The following ARHGEF12 variants were observed in gnomAD, a reference collection of about 807,000 sequenced individuals.
ARHGEF12 encodes the protein Rho guanine nucleotide exchange factor 12, also known as KMT2A/ARHGEF12 fusion protein.
In ARHGEF12, 66 loss-of-function variants were observed where a neutral mutation model predicts 211.2. That is an observed-to-expected ratio of 0.31 (90% CI 0.26 to 0.38). The LOEUF is 0.38. Among genes scored for constraint, ARHGEF12 ranks in the 10% least tolerant of loss-of-function variants. The pLI is 1.00. For missense variants in ARHGEF12, 1,429 were observed against 1,869.5 expected (o/e 0.76, Z 4.34); for synonymous variants, 592 against 638.4 (o/e 0.93, Z 1.09).
intron 28 of ARHGEF12, among the ~76,000 whole-genome samples, chr11:120,466,092 A>G (rs1946699653): frequency 6.6e-6 from 1 of 152,254 alleles, no homozygotes; most frequent in Admixed American, 6.5e-5. Context: ...AAATACAAAC[A>G]TGGCCGCTTG....
At position 120,429,709 on chromosome 11, in the gene ARHGEF12, C is replaced by A. The variant is rs767251500; in HGVS notation, c.664-3C>A. ...TTCTGAAAATATTTTTATAACTTTT[C>A]AGTTATTGCAGGAAGATTACAACCG... On this transcript the variant is annotated splice_polypyrimidine_tract_variant and splice_region_variant and intron_variant, in intron 9 of 40. Coordinates refer to ENST00000397843, the MANE Select transcript of ARHGEF12 (RefSeq NM_015313.3). The A allele has an allele frequency of 1.9e-6, 3 of 1,606,800 alleles. No homozygotes were observed. Among genetic ancestry groups the A allele is most frequent in the Non-Finnish European group, 8.5e-7 (1 of 1,178,016 alleles).
At chr11:120,366,483 T>G (rs967744153) in intron 1 of ARHGEF12, among the ~76,000 whole-genome samples, 1 of 152,184 alleles carries the variant, frequency 6.6e-6, no homozygotes, top group Non-Finnish European at 1.5e-5. Flanking sequence ...GATCTTTTCA[T>G]GACATGCTGT....
At chr11:120,482,038 C>T (rs907629499) in intron 39 of ARHGEF12, among the ~76,000 whole-genome samples, 5 of 152,188 alleles carry the variant, frequency 3.3e-5, no homozygotes, top group Non-Finnish European at 7.3e-5. Flanking sequence ...GGATTACAGG[C>T]GTGAGCCACC....
chr11:120,481,835 C>A (rs1245501853), intron 39 of ARHGEF12, among the ~76,000 whole-genome samples: 2 of 151,272 alleles, frequency 1.3e-5, no homozygotes, highest in African/African-American at 4.9e-5. Context: ...TCTCAGCTCA[C>A]TGCAAGCTCT....
At chr11:120,439,588 A>G (rs572505076) in intron 12 of ARHGEF12, 2 of 152,388 alleles carry the variant, frequency 1.3e-5, no homozygotes, top group Admixed American at 6.5e-5. Context: ...ATAGAGTTCG[A>G]TGATAGCCTT....
At chr11:120,472,170 C>A (rs1015822590) in intron 30 of ARHGEF12, among the ~76,000 whole-genome samples, 3 of 152,046 alleles carry the variant, frequency 2.0e-5, no homozygotes, top group African/African-American at 7.2e-5. Flanking sequence ...TGTATTCTAC[C>A]ATTTCAATGA....
Position 120,485,887 on chromosome 11 carries a change from G to T in ARHGEF12, c.*810G>T, listed in dbSNP as rs1214736083. 4.3e-6 allele frequency: 1 copy of T among 233,320 alleles called. No individual in the cohort carries two copies. Among genetic ancestry groups the T allele is most frequent in the East Asian group, 6.0e-5 (1 of 16,570 alleles). The allele number at this position is 233,320 out of a possible 1,614,324, so 14.5% of individuals were successfully genotyped here. ...TTCTTCCATTGTCGTCTTTTCTATTGAGGGTTGGGATTTGGGTGGGAGAGG... is the reference window on the plus strand; with the variant it reads ...TTCTTCCATTGTCGTCTTTTCTATTTAGGGTTGGGATTTGGGTGGGAGAGG... On this transcript the variant is annotated 3_prime_UTR_variant, in exon 41 of 41. Coordinates refer to ENST00000397843, the MANE Select transcript of ARHGEF12 (RefSeq NM_015313.3).
At chr11:120,365,184 GTA>G (rs527262617) in intron 1 of ARHGEF12, among the ~76,000 whole-genome samples, 3 of 151,512 alleles carry the variant, frequency 2.0e-5, no homozygotes, top group Non-Finnish European at 2.9e-5. Context: ...TTAACTATGT[GTA>G]TATATATATA....
rs757223801 is a variant in ARHGEF12 at position 120,437,352 on chromosome 11, C to T, written c.969C>T (p.Asn323=). ...AAGAGAGAATTTATCTAGAGGAAAACCCAGAGAAAAGTGAAACAATTCAGG... is the reference window on the plus strand; with the variant it reads ...AAGAGAGAATTTATCTAGAGGAAAATCCAGAGAAAAGTGAAACAATTCAGG... The part of the protein sequence containing the change: ...GPKERIYLEE[N]PEKSETIQDT... Residue 323 remains asparagine (N), a synonymous_variant, in exon 12 of 41, where the codon AAC becomes AAT. Coordinates refer to ENST00000397843, the MANE Select transcript of ARHGEF12 (RefSeq NM_015313.3). The T allele has an allele frequency of 1.2e-6, 2 of 1,612,540 alleles. No individual in the cohort carries two copies. Among genetic ancestry groups the T allele is most frequent in the Admixed American group, 1.7e-5 (1 of 59,856 alleles).
chr11:120,353,994 C>G (rs771456902), intron 1 of ARHGEF12, among the ~76,000 whole-genome samples: 5 of 152,114 alleles, frequency 3.3e-5, no homozygotes, highest in Non-Finnish European at 5.9e-5. Flanking sequence ...AGCCCCAGAA[C>G]CCCATGGGGT....
At chr11:120,404,383 T>C (rs933129547) in intron 1 of ARHGEF12, among the ~76,000 whole-genome samples, 1 of 152,248 alleles carries the variant, frequency 6.6e-6, no homozygotes, top group African/African-American at 2.4e-5. Context: ...TATGTACACA[T>C]ATATTTATTT....
At chr11:120,407,687 A>C (rs371624193) in intron 2 of ARHGEF12, 51 bp from the exon 3 acceptor site, 1 of 1,397,934 alleles carries the variant, frequency 7.2e-7, no homozygotes, top group African/African-American at 1.4e-5. Context: ...TAAATTTTTT[A>C]TTCTAATGAT....
chr11:120,446,554 AT>A, intron 17 of ARHGEF12, 46 bp downstream of exon 17: 10 of 1,465,594 alleles, frequency 6.8e-6, no homozygotes, highest in South Asian at 1.3e-5. Context: ...TTCTAAATTA[AT>A]TTTTTTAGTT....
Position 120,337,029 on chromosome 11 carries a change from T to C in ARHGEF12, c.-215T>C. The C allele has an allele frequency of 3.3e-6, 2 of 611,558 alleles. No homozygotes were observed. The highest frequency in any genetic ancestry group is 3.9e-5 in the South Asian group (2 of 50,976). The allele number at this position is 611,558 out of a possible 1,614,324, so 37.9% of individuals were successfully genotyped here. ...ACTCTGGACTGACTCGCTCCCTGGC[T>C]TTCTCAGTTCGTTTTGGGAGATAAC... is the stretch of plus-strand genomic sequence containing the variant. On this transcript the variant is annotated 5_prime_UTR_variant, in exon 1 of 41. Transcript: ENST00000397843.
At position 120,375,829 on chromosome 11, in the gene ARHGEF12, C is replaced by T. The variant is rs193119192; in HGVS notation, c.33-30289C>T. Reference sequence around the variant, plus strand: ...AGTTTGTCATGTTCCTTAGCCTCCTCTTGGCTGTGACAGTTTCTCAGATTT... The same window carrying T: ...AGTTTGTCATGTTCCTTAGCCTCCTTTTGGCTGTGACAGTTTCTCAGATTT... On this transcript the variant is annotated intron_variant, in intron 1 of 40. Coordinates refer to ENST00000397843, the MANE Select transcript of ARHGEF12 (RefSeq NM_015313.3). Among the ~76,000 whole-genome samples the T allele has an allele frequency of 3.2e-3, 493 of 152,252 alleles. 7 individuals are homozygous for T. The highest frequency in any genetic ancestry group is 0.012 in the African/African-American group (478 of 41,550).
intron 1 of ARHGEF12, among the ~76,000 whole-genome samples, chr11:120,384,257 T>C (rs1943964389): frequency 6.6e-6 from 1 of 152,200 alleles, no homozygotes; most frequent in South Asian, 2.1e-4. Flanking sequence ...CTAACTGTAG[T>C]TTTGAGGTTC....
intron 20 of ARHGEF12, 31 bp from the exon 21 acceptor site, chr11:120,449,078 G>A (rs756351975): frequency 2.6e-5 from 41 of 1,573,854 alleles, no homozygotes; most frequent in Admixed American, 1.2e-4. Context: ...ACTCTGTTAC[G>A]TATCTCTTAT....
Position 120,337,022 on chromosome 11 carries a change from C to T in ARHGEF12, c.-222C>T. The T allele has an allele frequency of 1.6e-6, 1 of 607,716 alleles. No individual in the cohort carries two copies. Among genetic ancestry groups the T allele is most frequent in the South Asian group, 2.0e-5 (1 of 50,808 alleles). The allele number at this position is 607,716 out of a possible 1,614,324, so 37.6% of individuals were successfully genotyped here. On this transcript the variant is annotated 5_prime_UTR_variant, in exon 1 of 41. Coordinates refer to ENST00000397843, the MANE Select transcript of ARHGEF12 (RefSeq NM_015313.3). The stretch of plus-strand genomic sequence containing the variant: ...TCGACTCACTCTGGACTGACTCGCT[C>T]CCTGGCTTTCTCAGTTCGTTTTGGG...
intron 1 of ARHGEF12, among the ~76,000 whole-genome samples, chr11:120,390,271 T>C (rs1944171857): frequency 6.6e-6 from 1 of 152,178 alleles, no homozygotes; most frequent in African/African-American, 2.4e-5. Context: ...GGCAAGTATG[T>C]TTTTTAGTTA....
Sources: allele counts gnomAD v4.1 joint callset (sites outside exome capture counted in the v4.1 genomes callset), GRCh38; gene constraint gnomAD v4.1.1; transcripts MANE v1.5; gene names NCBI Gene and HGNC (gene_info 2026-07-23, HGNC 2026-07-21).